The following ESRP1 variants were observed in gnomAD, a reference collection of about 807,000 sequenced individuals.
ESRP1 encodes the protein epithelial splicing regulatory protein 1.
Under a neutral mutation model 81.7 loss-of-function variants are expected in ESRP1, and 33 were observed. The ratio of observed to expected loss-of-function variants is 0.40; its 90% CI spans 0.31 to 0.54. The LOEUF is 0.54. Ranked by LOEUF, ESRP1 falls within the 20% of genes least tolerant of loss-of-function variation. The probability of loss-of-function intolerance (pLI) is 0.41; values close to 1 mark genes in which losing one functional copy is unlikely to be tolerated. For synonymous variants in ESRP1, 320 were observed against 303.3 expected (o/e 1.06, Z -0.57); for missense variants, 672 against 833.1 (o/e 0.81, Z 2.38).
chr8:94,674,648 T>G, intron 12 of ESRP1, 142 bp downstream of exon 12: 1 of 671,914 alleles, frequency 1.5e-6, no homozygotes, highest in Non-Finnish European at 2.4e-6. Context: ...TAATCAGTAG[T>G]ACCTGGTAAT....
At chr8:94,690,638 A>G (rs531545169) in intron 13 of ESRP1, among the ~76,000 whole-genome samples, 1 of 152,172 alleles carries the variant, frequency 6.6e-6, no homozygotes, top group Non-Finnish European at 1.5e-5. Context: ...TTATAAGCTT[A>G]AATTTCTAGT....
intron 15 of ESRP1, among the ~76,000 whole-genome samples, chr8:94,701,949 A>G (rs1215253453): frequency 6.6e-6 from 1 of 152,154 alleles, no homozygotes; most frequent in African/African-American, 2.4e-5. Flanking sequence ...GTCGTCATGC[A>G]TGCCTGTAGT....
In ESRP1 at chr8:94,649,193, CAG is replaced by C; in HGVS notation, c.490+2914_490+2915del. 2.0e-5 allele frequency among the ~76,000 whole-genome samples: 3 copies of C among 152,312 alleles called. 1 individual carries two copies. The highest frequency in any genetic ancestry group is 3.4e-3 in the Middle Eastern group (1 of 294). ...TACCATTATACTCCAGCCCAGGTGACAGAGTGAGATTTAAAAAAAAATTATTT... is the reference window on the plus strand; with the variant it reads ...TACCATTATACTCCAGCCCAGGTGACAGTGAGATTTAAAAAAAAATTATTT... On this transcript the variant is annotated intron_variant, in intron 4 of 15. Coordinates refer to ENST00000433389, the MANE Select transcript of ESRP1 (RefSeq NM_017697.4).
In ESRP1 at chr8:94,692,650, G is replaced by T. The variant is rs773385679; in HGVS notation, c.1821-27G>T. The T allele has an allele frequency of 1.4e-5, 23 of 1,607,942 alleles. 1 individual carries two copies. In the East Asian group the frequency reaches 5.1e-4, roughly 36 times the overall value. Reference sequence around the variant, plus strand: ...GTATTCAACATTGTCTATTCCTATTGGTTCACTGTGCTTTCTCTCCCTTTA... The same window carrying T: ...GTATTCAACATTGTCTATTCCTATTTGTTCACTGTGCTTTCTCTCCCTTTA... On this transcript the variant is annotated intron_variant, in intron 13 of 15. Coordinates refer to ENST00000433389, the MANE Select transcript of ESRP1 (RefSeq NM_017697.4).
chr8:94,660,985 A>G (rs1818714999), intron 4 of ESRP1, among the ~76,000 whole-genome samples: 1 of 152,098 alleles, frequency 6.6e-6, no homozygotes. Context: ...TCCACCAACA[A>G]AAAGATTGAC....
At position 94,689,811 on chromosome 8, in the gene ESRP1, C is replaced by CTTTTTTTTTTTTTTTTTTTTTTTTTTT. The variant is rs58359551; in HGVS notation, c.1821-2841_1821-2840insTTTTTTTTTTTTTTTTTTTTTTTTTTT. Among the ~76,000 whole-genome samples the CTTTTTTTTTTTTTTTTTTTTTTTTTTT allele has an allele frequency of 6.5e-4, 42 of 64,656 alleles. 4 individuals carry two copies. The highest frequency in any genetic ancestry group is 1.1e-3 in the Non-Finnish European group (36 of 33,654). 42.4% of individuals were successfully genotyped at this position (64,656 alleles called of 152,430 possible). On this transcript the variant is annotated intron_variant, in intron 13 of 15. Coordinates refer to ENST00000433389, the MANE Select transcript of ESRP1 (RefSeq NM_017697.4). ...CACAGGCATGTGCTATGATGCCTGG[C>CTTTTTTTTTTTTTTTTTTTTTTTTTTT]TTTTTTTTTTTTTTTTTTTTTTTTT...
In ESRP1 at chr8:94,706,063, T is replaced by C. The variant is rs1339865294; in HGVS notation, c.*174T>C. ...ACAAACGGGCCTGTGCCTTATCTTTTGGTGGAGTGAAAAAATTTGAGCTAG... is the reference window on the plus strand; with the variant it reads ...ACAAACGGGCCTGTGCCTTATCTTTCGGTGGAGTGAAAAAATTTGAGCTAG... On this transcript the variant is annotated 3_prime_UTR_variant, in exon 16 of 16. Coordinates refer to ENST00000433389, the MANE Select transcript of ESRP1 (RefSeq NM_017697.4). 1.8e-6 allele frequency: 2 copies of C among 1,084,010 alleles called. No homozygotes were observed. Among genetic ancestry groups the C allele is most frequent in the African/African-American group, 3.2e-5 (2 of 61,980 alleles). The allele number at this position is 1,084,010 out of a possible 1,614,324, so 67.1% of individuals were successfully genotyped here.
At chr8:94,671,747 G>T in intron 11 of ESRP1, 76 bp downstream of exon 11, 3 of 944,702 alleles carry the variant, frequency 3.2e-6, no homozygotes, top group South Asian at 2.1e-5. Flanking sequence ...TTAGATATTA[G>T]ATAATCTATT....
intron 10 of ESRP1, among the ~76,000 whole-genome samples, chr8:94,669,592 G>T (rs1028154660): frequency 1.3e-5 from 2 of 152,054 alleles, no homozygotes; most frequent in Admixed American, 6.6e-5. Context: ...CTGGCCAGGC[G>T]CAGTGGCTCA....
At chr8:94,683,902 C>G (rs2722885) in intron 13 of ESRP1, among the ~76,000 whole-genome samples, 4 of 151,974 alleles carry the variant, frequency 2.6e-5, no homozygotes, top group African/African-American at 9.7e-5. Context: ...GTAAAAACTT[C>G]AATGGCGCGA....
At chr8:94,689,715 T>TTGGCCCAC (rs1563545194) in intron 13 of ESRP1, among the ~76,000 whole-genome samples, 1 of 151,034 alleles carries the variant, frequency 6.6e-6, no homozygotes, top group Non-Finnish European at 1.5e-5. Context: ...GCAGCCGATC[T>TTGGCCCAC]TGGCCCACTG....
intron 13 of ESRP1, among the ~76,000 whole-genome samples, chr8:94,682,648 T>TGCTGG (rs1563540534): frequency 5.9e-5 from 9 of 151,430 alleles, no homozygotes; most frequent in Non-Finnish European, 1.3e-4. Flanking sequence ...ATTACAGGTG[T>TGCTGG]GAGCCACCAT....
chr8:94,663,788 G>T (rs1157486253), intron 6 of ESRP1, among the ~76,000 whole-genome samples: 2 of 152,138 alleles, frequency 1.3e-5, no homozygotes, highest in African/African-American at 4.8e-5. Context: ...GTGAACGTGG[G>T]AGGGATAAGA....
rs1268001452 is a variant in ESRP1 at position 94,696,177 on chromosome 8, A to G, written c.1972-675A>G. On this transcript the variant is annotated intron_variant, in intron 14 of 15. Coordinates refer to ENST00000433389, the MANE Select transcript of ESRP1 (RefSeq NM_017697.4). ...ACCATGAAAATACTTGGTAATGAGG[A>G]TGTCATTCTGGTCCATAAACGTGTG... Among the ~76,000 whole-genome samples the G allele has an allele frequency of 3.3e-5, 5 of 152,234 alleles. No homozygotes were observed. The East Asian group carries it at 9.6e-4, about 29-fold the overall frequency.
At chr8:94,666,196 C>T (rs1819007035) in intron 9 of ESRP1, among the ~76,000 whole-genome samples, 1 of 152,146 alleles carries the variant, frequency 6.6e-6, no homozygotes, top group African/African-American at 2.4e-5. Flanking sequence ...TTAATTGCTA[C>T]ATAGTATTAT....
At chr8:94,676,481 T>G (rs1808636011) in intron 12 of ESRP1, among the ~76,000 whole-genome samples, 1 of 152,068 alleles carries the variant, frequency 6.6e-6, no homozygotes, top group Non-Finnish European at 1.5e-5. Flanking sequence ...GTGTGTGTGT[T>G]TATGCATGTG....
At position 94,650,392 on chromosome 8, in the gene ESRP1, T is replaced by C. The variant is rs761186150; in HGVS notation, c.490+4110T>C. Among the ~76,000 whole-genome samples, 67 of 152,222 alleles carry C rather than the reference T, an allele frequency of 4.4e-4. 1 individual carries two copies. Among genetic ancestry groups the C allele is most frequent in the Non-Finnish European group, 6.6e-4 (45 of 68,038 alleles). ...ACCCCTGACAACCACCAATCTTTAC[T>C]GTCTCTGTAGTCTTGGCTTTTCCAG... On this transcript the variant is annotated intron_variant, in intron 4 of 15. Transcript: ENST00000433389.
chr8:94,671,131 A>G (rs960026717), intron 10 of ESRP1, among the ~76,000 whole-genome samples: 21 of 152,216 alleles, frequency 1.4e-4, no homozygotes, highest in Admixed American at 3.9e-4. Flanking sequence ...CCTCACAGAT[A>G]GTGATACATT....
intron 15 of ESRP1, among the ~76,000 whole-genome samples, chr8:94,699,279 T>A (rs1389932952): frequency 2.0e-5 from 3 of 152,034 alleles, no homozygotes; most frequent in Non-Finnish European, 2.9e-5. Flanking sequence ...TGTGTTCAAA[T>A]CCAGATGTCT....
Sources: gnomAD v4.1 joint callset for allele counts (sites outside exome capture counted in the v4.1 genomes callset) on GRCh38, gnomAD v4.1.1 for gene constraint, MANE v1.5 for transcripts, NCBI Gene and HGNC (gene_info 2026-07-23, HGNC 2026-07-21) for gene names.